Variants in ATRNL1 observed in about 807,000 individuals in gnomAD.
ATRNL1 encodes attractin like 1, also known as attractin-like protein 1.
In ATRNL1, 95 loss-of-function variants were observed where a neutral mutation model predicts 182.7. The observed-to-expected ratio is 0.52, with a 90% CI of 0.44 to 0.62. The LOEUF is 0.62. ATRNL1 is among the 20% of genes least tolerant of loss of function. The pLI is 0.00. For synonymous variants in ATRNL1, 576 were observed against 568.3 expected, an observed-to-expected ratio of 1.01 and a Z score of -0.19; for missense variants, 1,471 against 1,679.5, an observed-to-expected ratio of 0.88 and a Z score of 2.17.
chr10:115,165,121 A>G (rs942825311), intron 6 of ATRNL1, among the ~76,000 whole-genome samples: 3 of 152,070 alleles, frequency 2.0e-5, no homozygotes, highest in Non-Finnish European at 2.9e-5. Context: ...TAAAAAACTT[A>G]TAAGTATCAG....
chr10:115,764,420 A>G (rs1332265422), intron 27 of ATRNL1, among the ~76,000 whole-genome samples: 1 of 152,154 alleles, frequency 6.6e-6, no homozygotes, highest in African/African-American at 2.4e-5. Context: ...AGTATCATAC[A>G]GAGTATGTTC....
chr10:115,825,590 G>A (rs1950412289), intron 27 of ATRNL1, among the ~76,000 whole-genome samples: 1 of 151,376 alleles, frequency 6.6e-6, no homozygotes, highest in Admixed American at 6.6e-5. Flanking sequence ...GCCTACAAAT[G>A]GCACACAGAC....
intron 18 of ATRNL1, among the ~76,000 whole-genome samples, chr10:115,328,779 T>C (rs1301549205): frequency 6.6e-6 from 1 of 152,130 alleles, no homozygotes; most frequent in Admixed American, 6.5e-5. Flanking sequence ...ATGGACCTTT[T>C]TCATGGCTGA....
intron 28 of ATRNL1, among the ~76,000 whole-genome samples, chr10:115,885,804 G>T (rs1467704586): frequency 6.6e-6 from 1 of 152,134 alleles, no homozygotes; most frequent in Non-Finnish European, 1.5e-5. Context: ...ATTATAATCT[G>T]TAATATTGGT....
intron 19 of ATRNL1, among the ~76,000 whole-genome samples, chr10:115,356,272 T>C (rs571047361): frequency 1.6e-4 from 25 of 152,192 alleles, no homozygotes; most frequent in Middle Eastern, 3.4e-3. Context: ...ACTAGGAACA[T>C]TGAAAAATCT....
chr10:115,232,352 A>G (rs1849989908), intron 9 of ATRNL1, among the ~76,000 whole-genome samples: 1 of 152,170 alleles, frequency 6.6e-6, no homozygotes. Context: ...TTAATTGCTA[A>G]TGAGGTATAA....
intron 9 of ATRNL1, among the ~76,000 whole-genome samples, chr10:115,234,328 T>A (rs1267326247): frequency 3.3e-5 from 5 of 152,064 alleles, no homozygotes; most frequent in African/African-American, 1.2e-4. Flanking sequence ...TCCCTTTTAA[T>A]TATTTTTAAT....
chr10:115,514,268 C>T (rs1215040523), intron 24 of ATRNL1, among the ~76,000 whole-genome samples: 1 of 151,826 alleles, frequency 6.6e-6, no homozygotes, highest in Non-Finnish European at 1.5e-5. Context: ...AGCTTATTCT[C>T]TGAAAACAAG....
chr10:115,201,755 CAA>C (rs1848589095), intron 8 of ATRNL1, among the ~76,000 whole-genome samples: 1 of 151,920 alleles, frequency 6.6e-6, no homozygotes, highest in Non-Finnish European at 1.5e-5. Context: ...TAGTTTTTTC[CAA>C]TTCTGTGAAG....
At chr10:115,339,929 A>C (rs907469201) in intron 19 of ATRNL1, among the ~76,000 whole-genome samples, 1 of 152,180 alleles carries the variant, frequency 6.6e-6, no homozygotes. Context: ...GAATTTTATC[A>C]AATGCGTTTT....
At chr10:115,257,488 T>A (rs1471509724) in intron 10 of ATRNL1, among the ~76,000 whole-genome samples, 1 of 152,228 alleles carries the variant, frequency 6.6e-6, no homozygotes, top group Non-Finnish European at 1.5e-5. Context: ...TTGGTAGATC[T>A]TCCTCCATCC....
intron 26 of ATRNL1, among the ~76,000 whole-genome samples, chr10:115,647,443 A>G (rs2060787172): frequency 6.6e-6 from 1 of 152,144 alleles, no homozygotes; most frequent in Admixed American, 6.5e-5. Context: ...CTATTTCTCT[A>G]CATCCTCTCC....
At chr10:115,538,694 G>T (rs1469233501) in intron 25 of ATRNL1, among the ~76,000 whole-genome samples, 4 of 151,928 alleles carry the variant, frequency 2.6e-5, no homozygotes, top group Non-Finnish European at 4.4e-5. Flanking sequence ...AAAAGTTTTA[G>T]TTTTTATAAA....
chr10:115,285,709 C>T (rs1414467250), intron 14 of ATRNL1, among the ~76,000 whole-genome samples: 1 of 152,016 alleles, frequency 6.6e-6, no homozygotes, highest in African/African-American at 2.4e-5. Context: ...AATGAGACTT[C>T]TCTACCCATG....
intron 5 of ATRNL1, among the ~76,000 whole-genome samples, chr10:115,150,822 C>G (rs1398643655): frequency 6.6e-6 from 1 of 152,132 alleles, no homozygotes; most frequent in Non-Finnish European, 1.5e-5. Context: ...GTGCTGCACC[C>G]ATTAACTCAT....
At chr10:115,313,084 C>A (rs1261957310) in intron 17 of ATRNL1, among the ~76,000 whole-genome samples, 1 of 151,748 alleles carries the variant, frequency 6.6e-6, no homozygotes, top group Non-Finnish European at 1.5e-5. Context: ...TCTTTTATCT[C>A]CTTGAGTAAC....
chr10:115,525,213 A>G (rs1851147265), intron 25 of ATRNL1, among the ~76,000 whole-genome samples: 1 of 152,178 alleles, frequency 6.6e-6, no homozygotes, highest in African/African-American at 2.4e-5. Context: ...GTTAAATAGT[A>G]CCACTGTTGG....
chr10:115,872,384 G>A (rs528785043), intron 28 of ATRNL1, among the ~76,000 whole-genome samples: 161 of 152,258 alleles, frequency 1.1e-3, no homozygotes, highest in African/African-American at 3.5e-3. Context: ...CAATTCCAAC[G>A]TTTGTGTTTA....
intron 26 of ATRNL1, among the ~76,000 whole-genome samples, chr10:115,631,508 G>A (rs1555026425): frequency 6.6e-6 from 1 of 152,054 alleles, no homozygotes; most frequent in African/African-American, 2.4e-5. Context: ...ATGTTTTCTA[G>A]GTTTCACATC....
Sources: gnomAD v4.1 joint callset for allele counts (sites outside exome capture counted in the v4.1 genomes callset) on GRCh38, gnomAD v4.1.1 for gene constraint, MANE v1.5 for transcripts, NCBI Gene and HGNC (gene_info 2026-07-23, HGNC 2026-07-21) for gene names.